The following UPRT variants were observed in gnomAD, a reference collection of about 807,000 sequenced individuals.
The protein encoded by UPRT is uracil phosphoribosyltransferase homolog, also known as RP11-311P8.3.
Under a neutral mutation model 22.6 loss-of-function variants are expected in UPRT, and 5 were observed. The ratio of observed to expected loss-of-function variants is 0.22; its 90% CI spans 0.12 to 0.47. The LOEUF is 0.47. Ranked by LOEUF, UPRT falls within the 20% of genes least tolerant of loss-of-function variation. The pLI, the probability that UPRT is intolerant of heterozygous loss-of-function variation, is 0.99. For synonymous variants in UPRT, 77 were observed against 87.7 expected (o/e 0.88, Z 0.68); for missense variants, 181 against 239.9 (o/e 0.75, Z 1.62).
chrX:75,259,724 C>T (rs2082561537), intron 4 of UPRT, among the ~76,000 whole-genome samples: 1 of 111,086 alleles, frequency 9.0e-6, no homozygotes, highest in Admixed American at 9.7e-5. Context: ...CATAGCAAGA[C>T]ATGCCAACAT....
chrX:75,185,352 T>G (rs1340953026), intron 4 of UPRT, among the ~76,000 whole-genome samples: 7 of 112,163 alleles, frequency 6.2e-5, no homozygotes, highest in Non-Finnish European at 1.3e-4. Flanking sequence ...GAACCAGCCT[T>G]GCATCCCAGG....
intron 4 of UPRT, among the ~76,000 whole-genome samples, chrX:75,241,089 TA>T (rs200717423): frequency 1.8e-5 from 1 of 56,899 alleles, no homozygotes; most frequent in African/African-American, 5.1e-5. Flanking sequence ...TTAATTAAAG[TA>T]AAAAGCTTCT....
At chrX:75,181,766 A>G (rs187050762) in intron 4 of UPRT, among the ~76,000 whole-genome samples, 1 of 111,789 alleles carries the variant, frequency 8.9e-6, no homozygotes, top group East Asian at 2.8e-4. Context: ...GGGGTTTTCT[A>G]GATATAGTAA....
At chrX:75,218,601 C>T (rs1214463482) in intron 4 of UPRT, among the ~76,000 whole-genome samples, 27 of 96,831 alleles carry the variant, frequency 2.8e-4, no homozygotes, top group Admixed American at 2.1e-3. Context: ...ATGTTTATTG[C>T]GGCACTATTC....
intron 4 of UPRT, among the ~76,000 whole-genome samples, chrX:75,263,819 A>G (rs1005264880): frequency 1.4e-4 from 16 of 110,597 alleles, no homozygotes; most frequent in Non-Finnish European, 2.6e-4. Flanking sequence ...TAGGGTGTCA[A>G]TTTTGGATCT....
intron 1 of UPRT, among the ~76,000 whole-genome samples, chrX:75,158,558 A>C (rs1340278198): frequency 9.0e-6 from 1 of 111,631 alleles, no homozygotes; most frequent in South Asian, 3.8e-4. Context: ...CCACAGAGCT[A>C]ATGGGATGGA....
Position 75,245,266 on chromosome X carries a change from T to TAA in UPRT, c.-446-45743_-446-45742dup, listed in dbSNP as rs766688686. Among the ~76,000 whole-genome samples the TAA allele has an allele frequency of 8.7e-4, 57 of 65,461 alleles. 1 individual carries two copies. In the South Asian group the frequency reaches 0.011, roughly 13 times the overall value. 56.8% of individuals were successfully genotyped at this position (65,461 alleles called of 115,157 possible). ...AGTCAGAATGGCTATTACTAAAAAG[T>TAA]AAAAAAAAAAAAAAAAGAAAAGGAA... On this transcript the variant is annotated intron_variant, in intron 4 of 13. Coordinates refer to the UPRT transcript ENST00000652605.
intron 4 of UPRT, among the ~76,000 whole-genome samples, chrX:75,228,927 A>G (rs1409835607): frequency 1.8e-5 from 2 of 112,342 alleles, no homozygotes; most frequent in Non-Finnish European, 3.8e-5. Flanking sequence ...ATACTGTGTC[A>G]TATCACTTAT....
At chrX:75,212,267 C>T (rs996393825) in intron 4 of UPRT, among the ~76,000 whole-genome samples, 17 of 111,926 alleles carry the variant, frequency 1.5e-4, no homozygotes, top group East Asian at 8.4e-4. Flanking sequence ...ACTCTAAAAT[C>T]GATCACATAA....
chrX:75,168,250 G>A (rs2082217707), intron 4 of UPRT, among the ~76,000 whole-genome samples: 1 of 111,625 alleles, frequency 9.0e-6, no homozygotes, highest in Non-Finnish European at 1.9e-5. Context: ...ACATATTTGA[G>A]ATTTATTCAC....
At chrX:75,245,200 G>T (rs2082500435) in intron 4 of UPRT, among the ~76,000 whole-genome samples, 1 of 105,976 alleles carries the variant, frequency 9.4e-6, no homozygotes, top group Non-Finnish European at 1.9e-5. Context: ...AATCATTAGA[G>T]AAATGCAAAT....
At position 75,274,156 on chromosome X, in the gene UPRT, C is replaced by T. The variant is rs1461677198; in HGVS notation, c.-99C>T. On this transcript the variant is annotated 5_prime_UTR_variant, in exon 1 of 7. Transcript: ENST00000373383. ...GCCAGGGTTAGATGTTCTGAGGAGG[C>T]GGGAGCAACCGAGAGAGCACGTGAG... is the stretch of plus-strand genomic sequence containing the variant. The T allele has an allele frequency of 2.6e-5, 29 of 1,104,700 alleles. No individual in the cohort carries two copies. Among genetic ancestry groups the T allele is most frequent in the Non-Finnish European group, 3.5e-5 (29 of 835,487 alleles). The allele number at this position is 1,104,700 out of a possible 1,213,427, so 91.0% of individuals were successfully genotyped here.
chrX:75,253,732 C>T (rs1341323655), intron 4 of UPRT, among the ~76,000 whole-genome samples: 1 of 111,904 alleles, frequency 8.9e-6, no homozygotes, highest in African/African-American at 3.2e-5. Flanking sequence ...AGAGACAATG[C>T]AAATACTTTG....
At chrX:75,215,198 T>C (rs2082389402) in intron 4 of UPRT, among the ~76,000 whole-genome samples, 1 of 111,567 alleles carries the variant, frequency 9.0e-6, no homozygotes, top group African/African-American at 3.3e-5. Context: ...CTGATCCAAA[T>C]TTGTGGCATG....
upstream of UPRT, among the ~76,000 whole-genome samples, chrX:75,271,476 C>T (rs2082607828): frequency 8.9e-6 from 1 of 111,926 alleles, no homozygotes; most frequent in South Asian, 3.7e-4. Context: ...TCATCTCTCA[C>T]CTCATACAAA....
intron 4 of UPRT, among the ~76,000 whole-genome samples, chrX:75,178,082 G>T (rs2082254842): frequency 8.9e-6 from 1 of 112,227 alleles, no homozygotes; most frequent in Non-Finnish European, 1.9e-5. Flanking sequence ...CCCCGGAGCT[G>T]CATGGCTTTC....
At chrX:75,250,948 C>G (rs1292539544) in intron 4 of UPRT, among the ~76,000 whole-genome samples, 1 of 111,335 alleles carries the variant, frequency 9.0e-6, no homozygotes, top group Non-Finnish European at 1.9e-5. Flanking sequence ...TAAACGGAAC[C>G]AAAGACAAAA....
chrX:75,240,297 C>A (rs892169444), intron 4 of UPRT, among the ~76,000 whole-genome samples: 1 of 110,945 alleles, frequency 9.0e-6, no homozygotes, highest in Non-Finnish European at 1.9e-5. Flanking sequence ...TGCTATACAC[C>A]AGCAGTGCCC....
chrX:75,257,363 G>A (rs1310532982), intron 4 of UPRT, among the ~76,000 whole-genome samples: 2 of 111,311 alleles, frequency 1.8e-5, no homozygotes, highest in Non-Finnish European at 3.8e-5. Context: ...TAAAGGGGAC[G>A]TACCTCAAAG....
Sources: gnomAD v4.1 joint callset for allele counts (sites outside exome capture counted in the v4.1 genomes callset) on GRCh38, gnomAD v4.1.1 for gene constraint, MANE v1.5 for transcripts, NCBI Gene and HGNC (gene_info 2026-07-23, HGNC 2026-07-21) for gene names.